SFMBT1: variants seen among roughly 807,000 people sequenced by gnomAD.
The protein encoded by SFMBT1 is scm-like with four MBT domains protein 1.
SFMBT1 carries 32 observed loss-of-function variants against 108.7 expected under a neutral mutation model. The ratio of observed to expected loss-of-function variants is 0.29; its 90% CI spans 0.22 to 0.40. The LOEUF (loss-of-function observed/expected upper bound fraction) is 0.40, where lower values mean the gene tolerates loss of function less well. Ranked by LOEUF, SFMBT1 falls within the 10% of genes least tolerant of loss-of-function variation. The pLI, the probability that SFMBT1 is intolerant of heterozygous loss-of-function variation, is 1.00. For synonymous variants in SFMBT1, 348 were observed against 369.5 expected (o/e 0.94, Z 0.67); for missense variants, 816 against 1,059.6 (o/e 0.77, Z 3.19).
chr3:52,979,202 G>C (rs1704623162), intron 1 of SFMBT1, among the ~76,000 whole-genome samples: 1 of 151,126 alleles, frequency 6.6e-6, no homozygotes, highest in African/African-American at 2.4e-5. Flanking sequence ...AAAAAAAAAA[G>C]AGACAAGATA....
At chr3:52,921,608 A>G (rs1247453466) in intron 11 of SFMBT1, 97 bp downstream of exon 11, 1 of 1,321,908 alleles carries the variant, frequency 7.6e-7, no homozygotes. Flanking sequence ...ATCCCTATTT[A>G]ACTAATCCAT....
intron 5 of SFMBT1, among the ~76,000 whole-genome samples, chr3:52,934,418 A>G (rs1412565364): frequency 7.1e-6 from 1 of 140,270 alleles, no homozygotes; most frequent in Non-Finnish European, 1.5e-5. Flanking sequence ...AATAGATCCA[A>G]TGTGTTCCAA....
chr3:52,905,256 C>A lies in SFMBT1; in HGVS notation c.2481G>T (p.Leu827=), dbSNP rs1202877414. The A allele has an allele frequency of 1.9e-6, 3 of 1,612,562 alleles. No individual in the cohort carries two copies. The South Asian group carries it at 3.3e-5, about 18-fold the overall frequency. ...FLDQEIDGQA[L]LLLTLPTVQE... Reference sequence around the variant, plus strand: ...GAACAGTGGGAAGGGTAAGGAGCAACAGGGCCTGCCCATCAATTTCCTGTT... The same window carrying A: ...GAACAGTGGGAAGGGTAAGGAGCAAAAGGGCCTGCCCATCAATTTCCTGTT... The change falls in exon 21 of 21, where the codon CTG becomes CTT. Residue 827 remains leucine, a synonymous_variant. Transcript: ENST00000394752.
chr3:52,947,001 G>A (rs2106821131), intron 3 of SFMBT1, among the ~76,000 whole-genome samples: 1 of 152,040 alleles, frequency 6.6e-6, no homozygotes, highest in Admixed American at 6.5e-5. Context: ...CTAACTCTGG[G>A]CCTCAAGCGA....
At chr3:52,920,154 G>A (rs1702476938) in intron 12 of SFMBT1, among the ~76,000 whole-genome samples, 1 of 152,182 alleles carries the variant, frequency 6.6e-6, no homozygotes, top group South Asian at 2.1e-4. Context: ...ATAAATTTCT[G>A]TTATTTATAA....
chr3:53,034,811 T>C (rs938979932), intron 1 of SFMBT1, among the ~76,000 whole-genome samples: 5 of 151,904 alleles, frequency 3.3e-5, no homozygotes, highest in African/African-American at 1.2e-4. Flanking sequence ...TGGTGGCACG[T>C]GCCTGTAATC....
chr3:52,934,590 T>C (rs1226590321), intron 5 of SFMBT1, among the ~76,000 whole-genome samples: 3 of 152,096 alleles, frequency 2.0e-5, no homozygotes, highest in Non-Finnish European at 4.4e-5. Context: ...TCTGGGAAAT[T>C]AGATTTTTTA....
chr3:52,979,006 T>C (rs1190852746), intron 1 of SFMBT1, among the ~76,000 whole-genome samples: 3 of 152,174 alleles, frequency 2.0e-5, no homozygotes, highest in African/African-American at 7.2e-5. Context: ...TTTGGGGGTA[T>C]TAAAACATTC....
chr3:52,927,886 G>A (rs1024822242), intron 9 of SFMBT1, among the ~76,000 whole-genome samples: 4 of 152,134 alleles, frequency 2.6e-5, no homozygotes, highest in Admixed American at 2.0e-4. Context: ...AGACATAAAA[G>A]GGACTAAGGA....
chr3:53,013,083 T>C (rs1699008946), intron 1 of SFMBT1, among the ~76,000 whole-genome samples: 2 of 151,750 alleles, frequency 1.3e-5, no homozygotes, highest in Admixed American at 1.3e-4. Context: ...CCAATCACAA[T>C]CATCTGAAAA....
chr3:53,001,616 A>G (rs1451677871), intron 1 of SFMBT1, among the ~76,000 whole-genome samples: 1 of 149,228 alleles, frequency 6.7e-6, no homozygotes, highest in Non-Finnish European at 1.5e-5. Context: ...AAACAAGTGT[A>G]GAAAAAGCCA....
chr3:52,999,890 G>A lies in SFMBT1; in HGVS notation c.-130-30632C>T, dbSNP rs138677246. On this transcript the variant is annotated intron_variant, in intron 1 of 20. Coordinates refer to ENST00000394752, the MANE Select transcript of SFMBT1 (RefSeq NM_016329.4). ...GCTTTTTTTTTGGAGACAGAGTATCGCTCTGTCGCCCAGGCTGGAATGCAG... is the reference window on the plus strand; with the variant it reads ...GCTTTTTTTTTGGAGACAGAGTATCACTCTGTCGCCCAGGCTGGAATGCAG... Among the ~76,000 whole-genome samples the A allele has an allele frequency of 7.6e-3, 1,138 of 149,844 alleles. 36 individuals carry two copies. Among genetic ancestry groups the A allele is most frequent in the African/African-American group, 0.025 (1,048 of 41,290 alleles).
chr3:53,038,609 C>G (rs1389534881), intron 1 of SFMBT1, among the ~76,000 whole-genome samples: 4 of 152,148 alleles, frequency 2.6e-5, no homozygotes, highest in Non-Finnish European at 5.9e-5. Context: ...AAGTACATAC[C>G]TGCTCAACTC....
chr3:52,918,676 CAT>C (rs901774606), intron 12 of SFMBT1, 150 bp from the exon 13 acceptor site: 10 of 370,114 alleles, frequency 2.7e-5, no homozygotes, highest in African/African-American at 1.3e-4. Context: ...TATATATACA[CAT>C]ATATATAGTA....
chr3:52,939,510 G>T (rs1703117970), intron 4 of SFMBT1, among the ~76,000 whole-genome samples: 1 of 152,176 alleles, frequency 6.6e-6, no homozygotes, highest in South Asian at 2.1e-4. Flanking sequence ...GGAGGCAGAG[G>T]TTGTAGTGGG....
chr3:52,995,419 TG>T (rs1466911015), intron 1 of SFMBT1, among the ~76,000 whole-genome samples: 1 of 150,340 alleles, frequency 6.7e-6, no homozygotes, highest in Admixed American at 6.7e-5. Flanking sequence ...GGCAGGGTCT[TG>T]CTCTGTCGCC....
At chr3:52,987,287 A>G (rs1285886000) in intron 1 of SFMBT1, among the ~76,000 whole-genome samples, 1 of 152,228 alleles carries the variant, frequency 6.6e-6, no homozygotes, top group Non-Finnish European at 1.5e-5. Flanking sequence ...CCACAGTTAT[A>G]TATTATGATC....
At chr3:52,934,192 G>A (rs1702938453) in intron 5 of SFMBT1, among the ~76,000 whole-genome samples, 1 of 152,028 alleles carries the variant, frequency 6.6e-6, no homozygotes, top group African/African-American at 2.4e-5. Flanking sequence ...AACAAGTGTT[G>A]GCAAGGAAGT....
chr3:53,004,664 AG>A (rs1324677826), intron 1 of SFMBT1, among the ~76,000 whole-genome samples: 4 of 150,200 alleles, frequency 2.7e-5, no homozygotes, highest in African/African-American at 7.3e-5. Flanking sequence ...ACCAAATGAT[AG>A]ATCTCTGAAA....
Sources: gnomAD v4.1 joint callset for allele counts (sites outside exome capture counted in the v4.1 genomes callset) on GRCh38, gnomAD v4.1.1 for gene constraint, MANE v1.5 for transcripts, NCBI Gene and HGNC (gene_info 2026-07-23, HGNC 2026-07-21) for gene names.